Variants in IQSEC3 observed in about 807,000 individuals in gnomAD.
The protein encoded by IQSEC3 is IQ motif and Sec7 domain ArfGEF 3.
A neutral mutation model predicts 105.4 loss-of-function variants in IQSEC3; 50 were observed. The ratio of observed to expected loss-of-function variants is 0.47; its 90% confidence interval spans 0.38 to 0.60. The LOEUF is 0.60. Ranked by LOEUF, IQSEC3 falls within the 20% of genes least tolerant of loss-of-function variation. The pLI is 0.00. For missense variants in IQSEC3, 1,415 were observed against 1,630.0 expected (o/e 0.87, Z 2.27); for synonymous variants, 708 against 746.0 (o/e 0.95, Z 0.83).
At position 125,666 on chromosome 12, in the gene IQSEC3, G is replaced by A; in HGVS notation, c.657G>A (p.Met219Ile). The change falls in exon 3 of 14, where the codon ATG becomes ATA. Residue 219 changes from methionine to isoleucine, a missense_variant. Around this residue, in one of 6 missense-constraint regions of IQSEC3, gnomAD observed 720 missense variants for 633.0 expected, o/e 1.14. Coordinates refer to ENST00000538872, the MANE Select transcript of IQSEC3 (RefSeq NM_001170738.2). Reference protein sequence around the residue: ...DGSCTQAGGGMEDSVVAAAAV... With the variant: ...DGSCTQAGGGIEDSVVAAAAV... ...CCTGCACCCAGGCCGGTGGGGGCAT[G>A]GAGGACTCCGTGGTGGCAGCGGCGG... The A allele has an allele frequency of 6.5e-7, 1 of 1,536,922 alleles. No homozygotes were observed. Among genetic ancestry groups the A allele is most frequent in the Non-Finnish European group, 8.7e-7 (1 of 1,153,332 alleles).
At chr12:108,467 G>A (rs1160070643) in intron 2 of IQSEC3, among the ~76,000 whole-genome samples, 2 of 152,220 alleles carry the variant, frequency 1.3e-5, no homozygotes, top group African/African-American at 4.8e-5. Context: ...TGGACATTGT[G>A]TCTTTTACCA....
intron 2 of IQSEC3, among the ~76,000 whole-genome samples, chr12:102,291 G>C (rs1864451778): frequency 6.6e-6 from 1 of 152,174 alleles, no homozygotes; most frequent in Non-Finnish European, 1.5e-5. Context: ...AGGATTTCTG[G>C]GATCAGCAGT....
rs1342147779 is a variant in IQSEC3 at position 172,078 on chromosome 12, C to T, written c.3114+917C>T. Among the ~76,000 whole-genome samples, 7 of 152,178 alleles carry T rather than the reference C, an allele frequency of 4.6e-5. No individual in the cohort carries two copies. The East Asian group carries it at 1.3e-3, about 29-fold the overall frequency. On this transcript the variant is annotated intron_variant, in intron 13 of 13. Coordinates refer to ENST00000538872, the MANE Select transcript of IQSEC3 (RefSeq NM_001170738.2). ...CTCCCGGGGCCACCGGCTGCTCATA[C>T]AGACACCTCCCTTCGCAACCCTAAC...
intron 11 of IQSEC3, among the ~76,000 whole-genome samples, chr12:166,624 AAG>A (rs1938664135): frequency 6.6e-6 from 1 of 152,234 alleles, no homozygotes; most frequent in Admixed American, 6.5e-5. Context: ...AAGACTAAAT[AAG>A]AACAGATTCA....
chr12:131,365 C>CCCTCCCGCA (rs1555085068), intron 3 of IQSEC3, among the ~76,000 whole-genome samples: 1 of 152,176 alleles, frequency 6.6e-6, no homozygotes, highest in Admixed American at 6.5e-5. Context: ...GGGCTGCCTA[C>CCCTCCCGCA]CCTCCCGCAC....
intron 4 of IQSEC3, chr12:140,666 T>C (rs1262509774): frequency 6.2e-6 from 1 of 161,314 alleles, no homozygotes; most frequent in African/African-American, 2.4e-5. Context: ...TCTGTACTTA[T>C]CTCCTCCCGG....
rs964660667 is a variant in IQSEC3, at chr12:138,143, C to T, written c.904-124C>T. 12 of 834,466 alleles carry T rather than the reference C, an allele frequency of 1.4e-5. No homozygotes were observed. The highest frequency in any genetic ancestry group is 2.8e-5 in the Admixed American group (1 of 36,310). 51.7% of individuals were successfully genotyped at this position (834,466 alleles called of 1,614,324 possible). Reference sequence around the variant, plus strand: ...TTCAGACTTTAGCTGCCCAGGAGCGCCCCCCCGCCCCCGTCCATTCCTGGG... The same window carrying T: ...TTCAGACTTTAGCTGCCCAGGAGCGTCCCCCCGCCCCCGTCCATTCCTGGG... On this transcript the variant is annotated intron_variant, in intron 3 of 13. Coordinates refer to ENST00000538872, the MANE Select transcript of IQSEC3 (RefSeq NM_001170738.2). The surrounding 1 kb of genome is among the most constrained non-coding windows in gnomAD (Gnocchi z 7.1).
At chr12:107,716 C>T (rs1200536070) in intron 2 of IQSEC3, among the ~76,000 whole-genome samples, 5 of 151,948 alleles carry the variant, frequency 3.3e-5, no homozygotes, top group African/African-American at 4.8e-5. Flanking sequence ...GGCCGGTAGT[C>T]TGTTTTCTAA....
intron 1 of IQSEC3, among the ~76,000 whole-genome samples, chr12:70,154 G>C (rs1316082942): frequency 3.9e-5 from 6 of 152,264 alleles, no homozygotes; most frequent in Non-Finnish European, 7.3e-5. Flanking sequence ...GAGTGGGTGA[G>C]GGTTTCCAGA....
chr12:84,019 C>G (rs1175434432), intron 1 of IQSEC3, among the ~76,000 whole-genome samples: 3 of 152,210 alleles, frequency 2.0e-5, no homozygotes, highest in African/African-American at 7.2e-5. Flanking sequence ...GGTCACACAG[C>G]TAAAGTGACA....
At chr12:119,078 T>C (rs1299214648) in intron 2 of IQSEC3, among the ~76,000 whole-genome samples, 1 of 152,236 alleles carries the variant, frequency 6.6e-6, no homozygotes, top group Non-Finnish European at 1.5e-5. Flanking sequence ...ATCCCCATTT[T>C]GCTGATGAGA....
intron 2 of IQSEC3, among the ~76,000 whole-genome samples, chr12:120,358 G>T (rs1376416012): frequency 6.6e-5 from 10 of 152,320 alleles, no homozygotes; most frequent in African/African-American, 2.4e-4. Context: ...AAAAGTATCA[G>T]TGTGGACGGA....
At chr12:94,010 G>A (rs190744799) in intron 1 of IQSEC3, among the ~76,000 whole-genome samples, 13 of 152,292 alleles carry the variant, frequency 8.5e-5, no homozygotes, top group Non-Finnish European at 1.6e-4. Flanking sequence ...CTGCAGAACC[G>A]TGAGCCAAAT....
At chr12:147,348 A>C (rs968750941) in intron 5 of IQSEC3, among the ~76,000 whole-genome samples, 1 of 152,232 alleles carries the variant, frequency 6.6e-6, no homozygotes, top group Admixed American at 6.5e-5. Context: ...TGAGAGGCTT[A>C]CATGCAAAAC....
chr12:131,718 G>A (rs1565419460), intron 3 of IQSEC3, among the ~76,000 whole-genome samples: 1 of 152,148 alleles, frequency 6.6e-6, no homozygotes, highest in Admixed American at 6.5e-5. Context: ...TCTGAGCAGG[G>A]GGTGGCACTG....
intron 3 of IQSEC3, among the ~76,000 whole-genome samples, chr12:130,729 A>G (rs1865560586): frequency 6.6e-6 from 1 of 152,190 alleles, no homozygotes; most frequent in Admixed American, 6.5e-5. Flanking sequence ...GCAGGCTGGG[A>G]GGAGGGCACA....
intron 2 of IQSEC3, among the ~76,000 whole-genome samples, chr12:111,334 C>G (rs1555079502): frequency 6.6e-6 from 1 of 152,152 alleles, no homozygotes; most frequent in African/African-American, 2.4e-5. Context: ...AAACAACAAA[C>G]TTTATCATCT....
intron 2 of IQSEC3, among the ~76,000 whole-genome samples, chr12:105,983 C>T (rs1352234119): frequency 1.3e-5 from 2 of 152,184 alleles, no homozygotes; most frequent in African/African-American, 4.8e-5. Flanking sequence ...TTGTCAGCAG[C>T]ATGTTTAGAG....
At chr12:94,605 C>T (rs747785840) in intron 1 of IQSEC3, among the ~76,000 whole-genome samples, 7 of 152,234 alleles carry the variant, frequency 4.6e-5, no homozygotes, top group Admixed American at 2.6e-4. Context: ...ACAGCACTGC[C>T]GGCCCAAGCC....
Sources: allele counts gnomAD v4.1 joint callset (sites outside exome capture counted in the v4.1 genomes callset), GRCh38; gene constraint gnomAD v4.1.1; regional missense constraint gnomAD v4.1.1; non-coding constraint Gnocchi (gnomAD v3.1); transcripts MANE v1.5; gene names NCBI Gene and HGNC (gene_info 2026-07-23, HGNC 2026-07-21).